SMAD1: variants seen among roughly 807,000 people sequenced by gnomAD.
SMAD1 encodes SMAD family member 1.
A neutral mutation model predicts 41.6 loss-of-function variants in SMAD1; 6 were observed. The observed-to-expected ratio is 0.14, with a 90% CI of 0.08 to 0.28. The LOEUF (loss-of-function observed/expected upper bound fraction) is 0.28. Among genes scored for constraint, SMAD1 ranks in the 10% least tolerant of loss-of-function variants. The pLI is 1.00. For missense variants in SMAD1, 379 were observed against 582.6 expected (o/e 0.65, Z 3.60); for synonymous variants, 206 against 203.2 (o/e 1.01, Z -0.12).
intron 1 of SMAD1, among the ~76,000 whole-genome samples, chr4:145,500,746 C>A (rs900137668): frequency 6.6e-6 from 1 of 152,076 alleles, no homozygotes; most frequent in African/African-American, 2.4e-5. Context: ...GAAGTTAGAA[C>A]TTCATTAAAC....
At chr4:145,531,278 T>C (rs1368289953) in intron 2 of SMAD1, among the ~76,000 whole-genome samples, 1 of 152,246 alleles carries the variant, frequency 6.6e-6, no homozygotes, top group Non-Finnish European at 1.5e-5. Context: ...TTCTTACTCT[T>C]ACCCTTTCCG....
intron 1 of SMAD1, among the ~76,000 whole-genome samples, chr4:145,485,580 T>G (rs990921094): frequency 1.3e-5 from 2 of 152,274 alleles, no homozygotes; most frequent in African/African-American, 4.8e-5. Context: ...TTAACTCTAC[T>G]AATGATTTGT....
Position 145,557,774 on chromosome 4 carries a change from C to T in SMAD1, c.1255-17C>T, listed in dbSNP as rs1391480932. On this transcript the variant is annotated splice_polypyrimidine_tract_variant and intron_variant, in intron 6 of 6. Transcript: ENST00000302085. ...TGAGTTAAACAAGTTAAATGACCTC[C>T]AGTATGTTTTTCCTAGGGCTGGGGA... 3.8e-6 allele frequency: 6 copies of T among 1,594,444 alleles called. No homozygotes were observed. The South Asian group carries it at 6.8e-5, about 18-fold the overall frequency.
intron 2 of SMAD1, 148 bp downstream of exon 2, chr4:145,515,161 T>C (rs924154664): frequency 3.3e-5 from 24 of 721,456 alleles, no homozygotes; most frequent in Non-Finnish European, 5.4e-5. Context: ...TGTGTGTGTG[T>C]GTGTGTGTGT....
At position 145,486,246 on chromosome 4, in the gene SMAD1, G is replaced by A. The variant is rs150491167; in HGVS notation, c.-177+4208G>A. ...GCACATAATTTGAAGAATAAATCTG[G>A]CATGAAAATAATGCATTTCAAAGCC... On this transcript the variant is annotated intron_variant, in intron 1 of 6. Transcript: ENST00000302085. Among the ~76,000 whole-genome samples the A allele has an allele frequency of 4.4e-3, 666 of 152,262 alleles. 5 individuals are homozygous for A. Among genetic ancestry groups the A allele is most frequent in the African/African-American group, 0.015 (634 of 41,552 alleles).
rs1426845962 is a variant in SMAD1, at chr4:145,546,943, C to T, written c.997+19C>T. ...GGAAAAGGTGAGTTTTTGCTTTAAC[C>T]TCTTTCAGATGTTTATCTGTTGTGT... On this transcript the variant is annotated intron_variant, in intron 5 of 6. Transcript: ENST00000302085. 1.3e-6 allele frequency: 2 copies of T among 1,569,234 alleles called. No homozygotes were observed. The highest frequency in any genetic ancestry group is 1.8e-6 in the Non-Finnish European group (2 of 1,139,366).
intron 1 of SMAD1, among the ~76,000 whole-genome samples, chr4:145,499,741 C>T (rs1729317719): frequency 6.6e-6 from 1 of 152,074 alleles, no homozygotes; most frequent in Non-Finnish European, 1.5e-5. Context: ...TTCCAACATC[C>T]AAAAATACCT....
chr4:145,528,897 C>G (rs1292818334), intron 2 of SMAD1, among the ~76,000 whole-genome samples: 2 of 152,168 alleles, frequency 1.3e-5, no homozygotes, highest in African/African-American at 4.8e-5. Flanking sequence ...GTGATACATT[C>G]TCTATCTCAT....
chr4:145,557,017 C>T (rs1180403069), intron 6 of SMAD1, among the ~76,000 whole-genome samples: 2 of 149,144 alleles, frequency 1.3e-5, no homozygotes, highest in Admixed American at 6.6e-5. Flanking sequence ...AGATAGATAG[C>T]AGAAATAAAT....
chr4:145,484,342 A>C (rs1041274272), intron 1 of SMAD1, among the ~76,000 whole-genome samples: 1 of 152,222 alleles, frequency 6.6e-6, no homozygotes, highest in African/African-American at 2.4e-5. Context: ...CATCATTACC[A>C]GCCTTTTCAA....
At chr4:145,495,679 G>A (rs555365691) in intron 1 of SMAD1, among the ~76,000 whole-genome samples, 24 of 143,722 alleles carry the variant, frequency 1.7e-4, no homozygotes, top group African/African-American at 6.0e-4. Context: ...GAAGGCTGGT[G>A]ATCACAGCTG....
At chr4:145,481,342 T>C (rs1243629691), upstream of SMAD1, 2 of 151,932 alleles carry the variant, frequency 1.3e-5, no homozygotes, top group South Asian at 2.1e-4. Context: ...GGCCTGCAAA[T>C]TATTGGAGAG....
intron 1 of SMAD1, among the ~76,000 whole-genome samples, chr4:145,502,303 G>GC (rs1014732092): frequency 2.0e-4 from 31 of 152,234 alleles, no homozygotes; most frequent in African/African-American, 7.0e-4. Context: ...AGGACAGTAT[G>GC]CCATTACAAG....
intron 1 of SMAD1, among the ~76,000 whole-genome samples, chr4:145,485,371 C>T (rs776876519): frequency 5.3e-5 from 8 of 152,282 alleles, no homozygotes; most frequent in Middle Eastern, 3.4e-3. Flanking sequence ...CCACTGCACT[C>T]GGCTACTTAT....
intron 1 of SMAD1, among the ~76,000 whole-genome samples, chr4:145,487,545 GGTA>G (rs1158773576): frequency 6.6e-5 from 10 of 152,042 alleles, no homozygotes; most frequent in Non-Finnish European, 1.0e-4. Context: ...GCTGTTATCT[GGTA>G]GTACAAATAT....
rs895521346 is a variant in SMAD1, at chr4:145,558,084, A to C, written c.*150A>C. ...GTTGGATTCAGAAATTTAAACAAAA[A>C]AAAAAAAAAACACACACACCTTGGT... On this transcript the variant is annotated 3_prime_UTR_variant, in exon 7 of 7. Transcript: ENST00000302085. 232 of 404,248 alleles carry C rather than the reference A, an allele frequency of 5.7e-4. No individual in the cohort carries two copies. Among genetic ancestry groups the C allele is most frequent in the South Asian group, 3.3e-3 (42 of 12,634 alleles). The allele number at this position is 404,248 out of a possible 1,614,324, so 25.0% of individuals were successfully genotyped here. A position where few individuals can be genotyped will look rare whatever the true frequency, so the allele number is the denominator to read the frequency against.
At chr4:145,511,394 C>A (rs1299977896) in intron 1 of SMAD1, among the ~76,000 whole-genome samples, 3 of 152,258 alleles carry the variant, frequency 2.0e-5, no homozygotes, top group African/African-American at 7.2e-5. Context: ...TGCCTCTGCC[C>A]CCTGAGTGGC....
chr4:145,517,996 A>G (rs1730521732), intron 2 of SMAD1, among the ~76,000 whole-genome samples: 1 of 127,078 alleles, frequency 7.9e-6, no homozygotes, highest in Non-Finnish European at 1.9e-5. Flanking sequence ...GATTTTATGT[A>G]TATTTTTCAC....
At chr4:145,496,898 T>A (rs2126952508) in intron 1 of SMAD1, among the ~76,000 whole-genome samples, 1 of 152,372 alleles carries the variant, frequency 6.6e-6, no homozygotes, top group East Asian at 1.9e-4. Context: ...TCAGGTGTTC[T>A]GTAAAAGTCT....
Sources: allele counts gnomAD v4.1 joint callset (sites outside exome capture counted in the v4.1 genomes callset), GRCh38; gene constraint gnomAD v4.1.1; transcripts MANE v1.5; gene names NCBI Gene and HGNC (gene_info 2026-07-23, HGNC 2026-07-21).